The following MRPL4 variants were observed in gnomAD, a reference collection of about 807,000 sequenced individuals.
The protein encoded by MRPL4 is mitochondrial ribosomal protein L4.
In MRPL4, 34 loss-of-function variants were observed where a neutral mutation model predicts 34.1. The ratio of observed to expected loss-of-function variants is 1.00; its 90% confidence interval spans 0.76 to 1.33. The LOEUF (loss-of-function observed/expected upper bound fraction) is 1.33, where lower values mean the gene tolerates loss of function less well. Ranked by LOEUF, MRPL4 falls within the 40% of genes most tolerant of loss-of-function variation. MRPL4 has a pLI of 0.00. For synonymous variants in MRPL4, 196 were observed against 188.3 expected (o/e 1.04, Z -0.33); for missense variants, 402 against 434.6 (o/e 0.92, Z 0.67).
chr19:10,257,605 C>T (rs1387114392), intron 5 of MRPL4, among the ~76,000 whole-genome samples: 1 of 152,168 alleles, frequency 6.6e-6, no homozygotes, highest in Non-Finnish European at 1.5e-5. Context: ...CAGACACCAA[C>T]ACATGGTGCT....
At position 10,259,404 on chromosome 19, in the gene MRPL4, G is replaced by T. The variant is rs1397854157; in HGVS notation, c.740-213G>T. The T allele has an allele frequency of 3.6e-6, 5 of 1,406,744 alleles. No homozygotes were observed. The African/African-American group carries it at 7.4e-5, about 21-fold the overall frequency. The allele number at this position is 1,406,744 out of a possible 1,614,324, so 87.1% of individuals were successfully genotyped here. A position where few individuals can be genotyped will look rare whatever the true frequency, so the allele number is the denominator to read the frequency against. On this transcript the variant is annotated intron_variant, in intron 8 of 8. Coordinates refer to ENST00000253099, the MANE Select transcript of MRPL4 (RefSeq NM_015956.3). ...CAGGACCGAGCCTGGCTCTCGGTCA[G>T]CAGGTGATGAGCTGGGAGCAGCTCC...
At chr19:10,256,676 G>A (rs780858468) in intron 4 of MRPL4, 32 bp from the exon 5 acceptor site, 1 of 1,595,092 alleles carries the variant, frequency 6.3e-7, no homozygotes, top group Middle Eastern at 1.7e-4. Flanking sequence ...CCTGCCTCGT[G>A]GACCTGACCC....
At chr19:10,256,618 C>G in intron 4 of MRPL4, 90 bp from the exon 5 acceptor site, 2 of 1,048,868 alleles carry the variant, frequency 1.9e-6, no homozygotes, top group South Asian at 2.7e-5. Flanking sequence ...CATGGTGCCT[C>G]CTGTCTGACT....
At chr19:10,253,998 T>C (rs2039824683) in intron 3 of MRPL4, among the ~76,000 whole-genome samples, 1 of 151,752 alleles carries the variant, frequency 6.6e-6, no homozygotes, top group Admixed American at 6.6e-5. Context: ...AAAGTAATGG[T>C]AGGAAAAACA....
Position 10,259,792 on chromosome 19 carries a change from G to A in MRPL4, c.915G>A (p.Ala305=), listed in dbSNP as rs1429261206. ...RPLPHATQGP[A]ATPYHC ...TACCCCACGCTACCCAGGGCCCAGC[G>A]GCCACCCCGTACCACTGTTGATGTG... Residue 305 remains alanine (A), a synonymous_variant, in exon 9 of 9, where the codon GCG becomes GCA. Transcript: ENST00000253099. 11 of 1,612,602 alleles carry A rather than the reference G, an allele frequency of 6.8e-6. No homozygotes were observed. The highest frequency in any genetic ancestry group is 1.6e-4 in the Middle Eastern group (1 of 6,082).
At chr19:10,252,375 C>A in intron 1 of MRPL4, 22 bp from the exon 2 acceptor site, 1 of 1,614,064 alleles carries the variant, frequency 6.2e-7, no homozygotes, top group Non-Finnish European at 8.5e-7. Context: ...GGTCGTCTCT[C>A]ACTTTCGCCC....
chr19:10,252,667 G>C lies in MRPL4; in HGVS notation c.241G>C (p.Asp81His). Residue 81 changes from aspartate (D) to histidine (H), a missense_variant, in exon 3 of 9, where the codon GAC becomes CAC. By Grantham distance (81) the Asp-to-His change is moderately conservative. Coordinates refer to ENST00000253099, the MANE Select transcript of MRPL4 (RefSeq NM_015956.3). ...CGAGCAGGAGCGCGTGGGCCTGGCC[G>C]ACCTGCACCCCGATGTTTTCGCCAC... ...GFEQERVGLA[D>H]LHPDVFATAP... 6.2e-7 allele frequency: 1 copy of C among 1,606,166 alleles called. No homozygotes were observed. The highest frequency in any genetic ancestry group is 1.1e-5 in the South Asian group (1 of 91,052).
chr19:10,259,123 A>AAAAC, intron 8 of MRPL4: 1 of 1,282,756 alleles, frequency 7.8e-7, no homozygotes, highest in Non-Finnish European at 9.8e-7. Context: ...AAAAAAAAAA[A>AAAAC]AAGCTCCAAA....
rs764539966 is a variant in MRPL4 at position 10,258,442 on chromosome 19, G to A, written c.582G>A (p.Glu194=). The A allele has an allele frequency of 3.1e-6, 5 of 1,613,984 alleles. No homozygotes were observed. In the Admixed American group the frequency reaches 8.3e-5, roughly 27 times the overall value. Residue 194 remains glutamate (E), a synonymous_variant, in exon 7 of 9, where the codon GAG becomes GAA. Transcript: ENST00000253099. ...ACCTGCACATCATGGACTCCCTAGA[G>A]CTGCCCACCGGAGACCCACAGTACC... ...QDDLHIMDSL[E]LPTGDPQYLT...
In MRPL4 at chr19:10,252,221, T is replaced by C. The variant is rs1274430592; in HGVS notation, c.-33T>C. 9 of 1,575,352 alleles carry C rather than the reference T, an allele frequency of 5.7e-6. 1 individual carries two copies. The South Asian group carries it at 1.0e-4, about 18-fold the overall frequency. On this transcript the variant is annotated 5_prime_UTR_variant, in exon 1 of 9. Coordinates refer to ENST00000253099, the MANE Select transcript of MRPL4 (RefSeq NM_015956.3). ...GGCGCCTCGCGAGGCTCCAGTGGCCTTGACCTCCCGCGGCGTGGGAGGCTG... is the reference window on the plus strand; with the variant it reads ...GGCGCCTCGCGAGGCTCCAGTGGCCCTGACCTCCCGCGGCGTGGGAGGCTG...
intron 3 of MRPL4, among the ~76,000 whole-genome samples, 184 bp from the exon 4 acceptor site, chr19:10,254,405 T>A (rs2039828900): frequency 6.6e-6 from 1 of 152,120 alleles, no homozygotes; most frequent in African/African-American, 2.4e-5. Flanking sequence ...GAGAAGAGTG[T>A]TTCAGGCAGA....
At position 10,259,791 on chromosome 19, in the gene MRPL4, C is replaced by T. The variant is rs537189707; in HGVS notation, c.914C>T (p.Ala305Val). ...CTACCCCACGCTACCCAGGGCCCAG[C>T]GGCCACCCCGTACCACTGTTGATGT... is the stretch of plus-strand genomic sequence containing the variant. ...RPLPHATQGP[A>V]ATPYHC The change falls in exon 9 of 9, where the codon GCG becomes GTG. Residue 305 changes from alanine (A) to valine (V), a missense_variant. Transcript: ENST00000253099. 7.2e-5 allele frequency: 116 copies of T among 1,612,616 alleles called. 1 individual carries two copies. In the South Asian group the frequency reaches 1.1e-3, roughly 16 times the overall value.
Position 10,259,631 on chromosome 19 carries a change from A to G in MRPL4, c.754A>G (p.Ser252Gly). 7.3e-7 allele frequency: 1 copy of G among 1,369,162 alleles called. No homozygotes were observed. Among genetic ancestry groups the G allele is most frequent in the Non-Finnish European group, 9.6e-7 (1 of 1,037,260 alleles). 84.8% of individuals were successfully genotyped at this position (1,369,162 alleles called of 1,614,324 possible). ...LIPAVGLNVH[S>G]MLKHQTLVLT... is the part of the protein sequence containing the mutation. ...CCCGCCCCCAGGCCTAAATGTGCAC[A>G]GCATGCTCAAGCACCAGACGCTGGT... The change falls in exon 9 of 9, where the codon AGC becomes GGC. Residue 252 changes from serine to glycine, a missense_variant. By Grantham distance (56) the Ser-to-Gly change is moderately conservative. Transcript: ENST00000253099.
intron 8 of MRPL4, 41 bp from the exon 9 acceptor site, chr19:10,259,575 CG>C: frequency 6.5e-7 from 1 of 1,543,078 alleles, no homozygotes; most frequent in Non-Finnish European, 8.7e-7. Flanking sequence ...GAGGCAGCCC[CG>C]GCCTGACCGG....
In MRPL4 at chr19:10,252,272, G is replaced by GC. The variant is rs1250358723; in HGVS notation, c.21dup (p.Gly8ArgfsTer103). ...CGCGGCGATGCTGCAGTTCGTCCGGGCCGGGGCGCGGGCCTGGCTTCGGCC... is the reference window on the plus strand; with the variant it reads ...CGCGGCGATGCTGCAGTTCGTCCGGGCCCGGGGCGCGGGCCTGGCTTCGGCC... On this transcript the variant is annotated frameshift_variant, in exon 1 of 9. Transcript: ENST00000253099. LOFTEE classifies it high-confidence loss of function. 1 of 1,608,560 alleles carries GC rather than the reference G, an allele frequency of 6.2e-7. No homozygotes were observed. Among genetic ancestry groups the GC allele is most frequent in the Non-Finnish European group, 8.5e-7 (1 of 1,177,898 alleles).
chr19:10,252,268 C>A lies in MRPL4; in HGVS notation c.15C>A (p.Val5=), dbSNP rs1402413482. 1 of 1,607,906 alleles carries A rather than the reference C, an allele frequency of 6.2e-7. No individual in the cohort carries two copies. The highest frequency in any genetic ancestry group is 8.5e-7 in the Non-Finnish European group (1 of 1,177,714). ...GCTGCGCGGCGATGCTGCAGTTCGTCCGGGCCGGGGCGCGGGCCTGGCTTC... is the reference window on the plus strand; with the variant it reads ...GCTGCGCGGCGATGCTGCAGTTCGTACGGGCCGGGGCGCGGGCCTGGCTTC... MLQF[V]RAGARAWLRP... The change falls in exon 1 of 9, where the codon GTC becomes GTA. Residue 5 remains valine (V), a synonymous_variant. Transcript: ENST00000253099.
At chr19:10,256,674 G>A (rs577015131) in intron 4 of MRPL4, 34 bp from the exon 5 acceptor site, 29 of 1,592,300 alleles carry the variant, frequency 1.8e-5, no homozygotes, top group Middle Eastern at 3.3e-4. Context: ...CACCTGCCTC[G>A]TGGACCTGAC....
At chr19:10,259,543 C>T (rs1360370053) in intron 8 of MRPL4, 74 bp from the exon 9 acceptor site, 14 of 1,536,634 alleles carry the variant, frequency 9.1e-6, no homozygotes, top group Admixed American at 4.1e-5. Flanking sequence ...AAAGGGACTC[C>T]GATGTGGGTG....
intron 4 of MRPL4, chr19:10,255,254 G>A (rs2039839092): frequency 1.3e-5 from 2 of 152,388 alleles, no homozygotes; most frequent in African/African-American, 2.4e-5. Context: ...GAGGTGGGTG[G>A]GTTGCTTGGG....
Sources: allele counts gnomAD v4.1 joint callset (sites outside exome capture counted in the v4.1 genomes callset), GRCh38; gene constraint gnomAD v4.1.1; transcripts MANE v1.5; gene names NCBI Gene and HGNC (gene_info 2026-07-23, HGNC 2026-07-21).